FBXO16: variants seen among roughly 807,000 people sequenced by gnomAD.
FBXO16 encodes the protein F-box protein 16, also known as F-box only protein 16.
FBXO16 carries 31 observed loss-of-function variants against 41.0 expected under a neutral mutation model. The ratio of observed to expected loss-of-function variants is 0.76; its 90% CI spans 0.57 to 1.02. The LOEUF is 1.02. Among genes scored for constraint, FBXO16 ranks in the 50% least tolerant of loss-of-function variants. The probability of loss-of-function intolerance (pLI) is 0.00; values close to 1 mark genes in which losing one functional copy is unlikely to be tolerated. For synonymous variants in FBXO16, 133 were observed against 117.8 expected (o/e 1.13, Z -0.84); for missense variants, 361 against 346.2 (o/e 1.04, Z -0.34).
intron 3 of FBXO16, among the ~76,000 whole-genome samples, chr8:28,469,670 A>C (rs943045016): frequency 7.3e-5 from 11 of 150,566 alleles, no homozygotes; most frequent in Non-Finnish European, 1.3e-4. Context: ...TTGGGAGGCC[A>C]AGGCGGGTGG....
intron 7 of FBXO16, among the ~76,000 whole-genome samples, chr8:28,444,302 C>CTTTT (rs575375088): frequency 7.8e-6 from 1 of 128,638 alleles, no homozygotes; most frequent in Non-Finnish European, 1.6e-5. Flanking sequence ...AATATTTCTT[C>CTTTT]TTTTTTTTTT....
At chr8:28,474,307 A>T (rs1287206549) in intron 2 of FBXO16, among the ~76,000 whole-genome samples, 1 of 123,314 alleles carries the variant, frequency 8.1e-6, no homozygotes, top group Non-Finnish European at 1.6e-5. Flanking sequence ...TAACAGAGCC[A>T]GACCCTGTCA....
intron 7 of FBXO16, among the ~76,000 whole-genome samples, chr8:28,445,211 C>T (rs1373275926): frequency 2.6e-5 from 4 of 152,184 alleles, no homozygotes. Flanking sequence ...AATCATGAGT[C>T]CCATTCACGA....
At chr8:28,450,843 G>A (rs1376009986) in intron 6 of FBXO16, among the ~76,000 whole-genome samples, 2 of 152,170 alleles carry the variant, frequency 1.3e-5, no homozygotes, top group Non-Finnish European at 2.9e-5. Context: ...TTCGGAGGGC[G>A]AAGTGAGAGG....
At chr8:28,463,126 TCTTA>T (rs1333277833) in intron 4 of FBXO16, among the ~76,000 whole-genome samples, 1 of 152,144 alleles carries the variant, frequency 6.6e-6, no homozygotes, top group Non-Finnish European at 1.5e-5. Context: ...CCCTTCTCTT[TCTTA>T]GTTTTGTGTG....
At chr8:28,443,609 A>ACCT (rs1347656077) in intron 7 of FBXO16, among the ~76,000 whole-genome samples, 2 of 152,198 alleles carry the variant, frequency 1.3e-5, no homozygotes, top group Non-Finnish European at 2.9e-5. Context: ...TGTTTGAACC[A>ACCT]GGGCAACTCC....
intron 6 of FBXO16, among the ~76,000 whole-genome samples, chr8:28,450,007 T>C (rs2130121214): frequency 6.6e-6 from 1 of 150,700 alleles, no homozygotes; most frequent in African/African-American, 2.4e-5. Context: ...AAGGGCGATT[T>C]GCATAAACGT....
At chr8:28,456,537 A>C in intron 5 of FBXO16, 9 of 458,684 alleles carry the variant, frequency 2.0e-5, no homozygotes, top group East Asian at 3.7e-5. Flanking sequence ...CCATGGTCCT[A>C]ACCGCCGGGA....
At chr8:28,432,305 C>G (rs111814479) in intron 7 of FBXO16, among the ~76,000 whole-genome samples, 7 of 151,926 alleles carry the variant, frequency 4.6e-5, no homozygotes, top group Non-Finnish European at 8.8e-5. Flanking sequence ...GAAACCCTAT[C>G]CCTACTAAAA....
At chr8:28,447,360 T>C in intron 6 of FBXO16, 87 bp from the exon 7 acceptor site, 3 of 1,153,040 alleles carry the variant, frequency 2.6e-6, no homozygotes, top group East Asian at 4.8e-5. Context: ...TTTGAGTTTG[T>C]TGTTCCTGTG....
chr8:28,452,492 T>C lies in FBXO16; in HGVS notation c.508-16A>G. On this transcript the variant is annotated splice_polypyrimidine_tract_variant and intron_variant, in intron 5 of 8. Transcript: ENST00000380254. ...TTGGGGGTGTCTAGAAGAAGAAAGT[T>C]AATTATGTTCTCAAAACACTATAAT... 1 of 1,611,386 alleles carries C rather than the reference T, an allele frequency of 6.2e-7. No homozygotes were observed. The highest frequency in any genetic ancestry group is 8.5e-7 in the Non-Finnish European group (1 of 1,178,732).
intron 8 of FBXO16, 92 bp from the exon 9 acceptor site, chr8:28,428,828 T>G (rs1585885315): frequency 7.3e-7 from 1 of 1,365,294 alleles, no homozygotes; most frequent in East Asian, 2.7e-5. Flanking sequence ...ATAAAACGAT[T>G]TTACAAAATT....
chr8:28,463,200 ATG>A (rs758194708), intron 4 of FBXO16, among the ~76,000 whole-genome samples: 27 of 145,922 alleles, frequency 1.9e-4, no homozygotes, highest in African/African-American at 2.3e-4. Context: ...ATGTTTGTGT[ATG>A]TGTTTGTGTG....
Position 28,442,218 on chromosome 8 carries a change from G to A in FBXO16, c.843+4953C>T, listed in dbSNP as rs374842167. On this transcript the variant is annotated intron_variant, in intron 7 of 8. Coordinates refer to ENST00000380254, the MANE Select transcript of FBXO16 (RefSeq NM_172366.4). ...CTCCCAAAATGTTGGGATTACAGGC[G>A]TGAGCCACTGTGCCCGGCCGGAATT... is the stretch of plus-strand genomic sequence containing the variant. 1.1e-4 allele frequency among the ~76,000 whole-genome samples: 16 copies of A among 152,094 alleles called. No individual in the cohort carries two copies. The East Asian group carries it at 2.5e-3, about 24-fold the overall frequency.
At chr8:28,456,995 T>G (rs1803050385) in intron 4 of FBXO16, 65 bp from the exon 5 acceptor site, 2 of 1,531,294 alleles carry the variant, frequency 1.3e-6, no homozygotes, top group Non-Finnish European at 1.8e-6. Context: ...CATGCCCACT[T>G]TCTCTAGGTT....
intron 6 of FBXO16, among the ~76,000 whole-genome samples, chr8:28,451,421 A>G (rs1270873318): frequency 6.8e-6 from 1 of 146,048 alleles, no homozygotes; most frequent in Non-Finnish European, 1.5e-5. Context: ...GATAGGGTCT[A>G]GCTATATTGC....
Position 28,452,400 on chromosome 8 carries a change from G to T in FBXO16, c.584C>A (p.Pro195His), listed in dbSNP as rs369379563. 8.4e-4 allele frequency: 1,348 copies of T among 1,614,218 alleles called. 16 individuals carry two copies. The South Asian group carries it at 0.013, about 16-fold the overall frequency. The change falls in exon 6 of 9, where the codon CCT becomes CAT. Residue 195 changes from proline to histidine, a missense_variant. Transcript: ENST00000380254. ...TSNSPEEKQS[P>H]LSAFRSSSSL... ...GGAAGAGGACCGAAAAGCTGATAAA[G>T]GGGACTGTTTTTCCTCTGGAGAATT...
intron 7 of FBXO16, among the ~76,000 whole-genome samples, chr8:28,442,093 A>G (rs1585894466): frequency 6.6e-6 from 1 of 150,926 alleles, no homozygotes; most frequent in African/African-American, 2.4e-5. Context: ...ACAGGCATGC[A>G]CCACCATGCC....
chr8:28,446,032 C>T (rs995243469), intron 7 of FBXO16, among the ~76,000 whole-genome samples: 6 of 152,106 alleles, frequency 3.9e-5, no homozygotes, highest in East Asian at 3.9e-4. Context: ...TTCGGAGCCA[C>T]GATTTGGGAA....
Sources: gnomAD v4.1 joint callset for allele counts (sites outside exome capture counted in the v4.1 genomes callset) on GRCh38, gnomAD v4.1.1 for gene constraint, MANE v1.5 for transcripts, NCBI Gene and HGNC (gene_info 2026-07-23, HGNC 2026-07-21) for gene names.